PHACTR3: variants seen among roughly 807,000 people sequenced by gnomAD.
PHACTR3 encodes the protein protein phosphatase 1, regulatory subunit 123.
PHACTR3 carries 16 observed loss-of-function variants against 66.8 expected under a neutral mutation model. The ratio of observed to expected loss-of-function variants is 0.24; its 90% CI spans 0.16 to 0.36. The LOEUF (loss-of-function observed/expected upper bound fraction) is 0.36, where lower values mean the gene tolerates loss of function less well. PHACTR3 is among the 10% of genes least tolerant of loss of function. The probability of loss-of-function intolerance (pLI) is 1.00; values close to 1 mark genes in which losing one functional copy is unlikely to be tolerated. For synonymous variants in PHACTR3, 323 were observed against 292.1 expected (o/e 1.11, Z -1.08); for missense variants, 647 against 719.9 (o/e 0.90, Z 1.16).
chr20:59,837,420 T>C (rs2058986010), intron 9 of PHACTR3, among the ~76,000 whole-genome samples: 1 of 152,208 alleles, frequency 6.6e-6, no homozygotes, highest in Admixed American at 6.5e-5. Context: ...GAGCCCCTTG[T>C]TGGTCTGGGT....
intron 1 of PHACTR3, among the ~76,000 whole-genome samples, chr20:59,584,406 G>A (rs540079018): frequency 2.0e-4 from 31 of 151,900 alleles, no homozygotes; most frequent in East Asian, 1.4e-3. Flanking sequence ...AGGAGTGTGC[G>A]TGCCTGTGTG....
chr20:59,770,580 G>A (rs1286201559), intron 5 of PHACTR3, among the ~76,000 whole-genome samples: 15 of 152,174 alleles, frequency 9.9e-5, no homozygotes, highest in Admixed American at 9.8e-4. Flanking sequence ...CAAGATCAGG[G>A]TGCCGGCAGA....
intron 2 of PHACTR3, among the ~76,000 whole-genome samples, chr20:59,746,439 A>G (rs1320743654): frequency 2.0e-5 from 3 of 152,228 alleles, no homozygotes; most frequent in South Asian, 2.1e-4. Context: ...GGCACACAGT[A>G]GGTGCTCAGT....
chr20:59,685,198 C>A (rs963538698), intron 1 of PHACTR3, among the ~76,000 whole-genome samples: 1 of 152,240 alleles, frequency 6.6e-6, no homozygotes. Context: ...TGGCCCCCTT[C>A]CTGCCCAGCA....
chr20:59,792,697 C>G (rs1227334117), intron 7 of PHACTR3, among the ~76,000 whole-genome samples: 1 of 152,128 alleles, frequency 6.6e-6, no homozygotes, highest in African/African-American at 2.4e-5. Flanking sequence ...ATATACTTAT[C>G]ACCATATCTT....
Position 59,750,833 on chromosome 20 carries a change from TGTAATCAAC to T in PHACTR3, c.358+3001_358+3009del, listed in dbSNP as rs1480128675. On this transcript the variant is annotated intron_variant, in intron 3 of 12. Transcript: ENST00000371015. ...TACTGTGTGCCACCTGTAATCAACC[TGTAATCAAC>T]GTGCTGTAATAACGGGATCCACGCA... Among the ~76,000 whole-genome samples, 51 of 152,322 alleles carry T rather than the reference TGTAATCAAC, an allele frequency of 3.3e-4. 1 individual carries two copies. The highest frequency in any genetic ancestry group is 1.1e-3 in the African/African-American group (46 of 41,574).
chr20:59,828,495 A>G (rs563084652), intron 8 of PHACTR3, among the ~76,000 whole-genome samples: 29 of 152,314 alleles, frequency 1.9e-4, no homozygotes, highest in Admixed American at 4.6e-4. Flanking sequence ...TATTGCAGAT[A>G]GGGTGTTATG....
At chr20:59,842,959 T>C (rs78676561) in intron 11 of PHACTR3, among the ~76,000 whole-genome samples, 2,528 of 152,244 alleles carry the variant, frequency 0.017, 73 homozygotes, top group African/African-American at 0.058. Flanking sequence ...ACAGACAATA[T>C]GATCTTATAC....
At chr20:59,627,010 C>G (rs1283081801) in intron 1 of PHACTR3, 2 of 152,184 alleles carry the variant, frequency 1.3e-5, no homozygotes, top group African/African-American at 4.8e-5. Flanking sequence ...CTCCCTTATA[C>G]CACCCAAACA....
At chr20:59,600,944 GC>G (rs1463495957), upstream of PHACTR3, among the ~76,000 whole-genome samples, 6 of 142,014 alleles carry the variant, frequency 4.2e-5, no homozygotes, top group East Asian at 2.2e-4. Context: ...GCCTCTACAT[GC>G]TTTTTTTTTT....
upstream of PHACTR3, among the ~76,000 whole-genome samples, chr20:59,601,516 C>A (rs951902305): frequency 8.5e-5 from 13 of 152,162 alleles, no homozygotes; most frequent in African/African-American, 3.1e-4. Context: ...TCACAAAAAC[C>A]TGTTGTGGGC....
upstream of PHACTR3, among the ~76,000 whole-genome samples, chr20:59,599,685 GAAAACAAAAC>G (rs58143763): frequency 3.0e-4 from 46 of 151,796 alleles, no homozygotes; most frequent in Non-Finnish European, 5.4e-4. Flanking sequence ...TAGTTAACTA[GAAAACAAAAC>G]AAAACAAAAC....
chr20:59,689,237 T>C (rs2037012361), intron 1 of PHACTR3, among the ~76,000 whole-genome samples: 2 of 152,170 alleles, frequency 1.3e-5, no homozygotes, highest in South Asian at 4.1e-4. Flanking sequence ...TTTCAGCCCT[T>C]GGTGGGGCGG....
At chr20:59,762,558 G>A (rs2040027741) in intron 4 of PHACTR3, among the ~76,000 whole-genome samples, 1 of 152,198 alleles carries the variant, frequency 6.6e-6, no homozygotes, top group South Asian at 2.1e-4. Flanking sequence ...GTAGTACCGA[G>A]GGTCAGGGTG....
intron 10 of PHACTR3, 90 bp from the exon 11 acceptor site, chr20:59,841,305 T>G: frequency 7.4e-7 from 1 of 1,352,526 alleles, no homozygotes; most frequent in Non-Finnish European, 1.0e-6. Context: ...TGTTTTGTTT[T>G]GTTTTTTAAG....
intron 1 of PHACTR3, among the ~76,000 whole-genome samples, chr20:59,711,548 TATC>T (rs1245312176): frequency 6.6e-6 from 1 of 152,156 alleles, no homozygotes; most frequent in African/African-American, 2.4e-5. Context: ...AAGTTGACAA[TATC>T]ATGTCAAAAA....
At chr20:59,760,234 AC>A (rs1361021737) in intron 4 of PHACTR3, among the ~76,000 whole-genome samples, 2 of 152,182 alleles carry the variant, frequency 1.3e-5, no homozygotes, top group African/African-American at 4.8e-5. Context: ...GGAGGAGGAC[AC>A]TGTCAATGAT....
intron 1 of PHACTR3, among the ~76,000 whole-genome samples, chr20:59,622,991 A>AAAAAACAAACAAAC (rs2034307413): frequency 7.0e-6 from 1 of 142,182 alleles, no homozygotes; most frequent in African/African-American, 2.7e-5. Flanking sequence ...CAAAAAAAAA[A>AAAAAACAAACAAAC]AAAAAAAAAA....
At position 59,666,140 on chromosome 20, in the gene PHACTR3, C is replaced by T. The variant is rs183847498; in HGVS notation, c.118+61008C>T. Reference sequence around the variant, plus strand: ...GGCCTGAGCTCTCTCCTCACTTGGACTTTCTGTGGCTGAGGCAGAAATAAA... The same window carrying T: ...GGCCTGAGCTCTCTCCTCACTTGGATTTTCTGTGGCTGAGGCAGAAATAAA... On this transcript the variant is annotated intron_variant, in intron 1 of 12. Coordinates refer to ENST00000371015, the MANE Select transcript of PHACTR3 (RefSeq NM_080672.5). Among the ~76,000 whole-genome samples the T allele has an allele frequency of 5.9e-5, 9 of 152,162 alleles. No homozygotes were observed. The East Asian group carries it at 1.7e-3, about 29-fold the overall frequency.
Sources: allele counts gnomAD v4.1 joint callset (sites outside exome capture counted in the v4.1 genomes callset), GRCh38; gene constraint gnomAD v4.1.1; transcripts MANE v1.5; gene names NCBI Gene and HGNC (gene_info 2026-07-23, HGNC 2026-07-21).